Variants in BRWD3 observed in about 807,000 individuals in gnomAD.
The protein encoded by BRWD3 is bromodomain and WD repeat-containing protein 3.
A neutral mutation model predicts 149.7 loss-of-function variants in BRWD3; 10 were observed. The observed-to-expected ratio is 0.07, with a 90% CI of 0.04 to 0.11. The LOEUF (loss-of-function observed/expected upper bound fraction) is 0.11, where lower values mean the gene tolerates loss of function less well. Among genes scored for constraint, BRWD3 ranks in the 10% least tolerant of loss-of-function variants. The pLI, the probability that BRWD3 is intolerant of heterozygous loss-of-function variation, is 1.00. For synonymous variants in BRWD3, 504 were observed against 456.7 expected (o/e 1.10, Z -1.32); for missense variants, 940 against 1,373.2 (o/e 0.68, Z 4.99).
chrX:80,806,594 G>A (rs1181389550), intron 4 of BRWD3, among the ~76,000 whole-genome samples: 1 of 111,941 alleles, frequency 8.9e-6, no homozygotes, highest in Admixed American at 9.5e-5. Flanking sequence ...GGGGGCAGAA[G>A]GGATAGGGGA....
At chrX:80,741,044 C>A (rs1205989492) in intron 8 of BRWD3, among the ~76,000 whole-genome samples, 3 of 110,972 alleles carry the variant, frequency 2.7e-5, no homozygotes, top group Non-Finnish European at 5.7e-5. Flanking sequence ...ATATCTCCTA[C>A]TGCTATCCAT....
chrX:80,809,423 C>G lies in BRWD3; in HGVS notation c.31+18G>C. The G allele has an allele frequency of 8.6e-7, 1 of 1,161,397 alleles. No individual in the cohort carries two copies. The highest frequency in any genetic ancestry group is 1.2e-6 in the Non-Finnish European group (1 of 866,295). On this transcript the variant is annotated intron_variant, in intron 1 of 40. Transcript: ENST00000373275. ...CCATTCCCTTAGCACCCCCCCACCC[C>G]CCGACACAGCTACCCACCGGCTTCG...
chrX:80,681,780 A>G (rs1569244290), intron 39 of BRWD3, among the ~76,000 whole-genome samples: 1 of 111,696 alleles, frequency 9.0e-6, no homozygotes, highest in Non-Finnish European at 1.9e-5. Context: ...TTTTAAAACT[A>G]AGAGACTTTT....
intron 8 of BRWD3, among the ~76,000 whole-genome samples, chrX:80,736,430 A>G (rs1197601232): frequency 9.0e-6 from 1 of 111,722 alleles, no homozygotes; most frequent in Non-Finnish European, 1.9e-5. Flanking sequence ...ACCTTTACAA[A>G]TGTGCTATAT....
At chrX:80,803,814 T>G (rs1217913850) in intron 4 of BRWD3, among the ~76,000 whole-genome samples, 2 of 112,367 alleles carry the variant, frequency 1.8e-5, no homozygotes, top group African/African-American at 6.5e-5. Flanking sequence ...CACTCAAAGA[T>G]CATTCTGCTA....
At chrX:80,771,828 AAAAG>A (rs773344862) in intron 6 of BRWD3, among the ~76,000 whole-genome samples, 1 of 112,244 alleles carries the variant, frequency 8.9e-6, no homozygotes, top group East Asian at 2.8e-4. Context: ...GACACTTCTC[AAAAG>A]AAGACATTTA....
intron 36 of BRWD3, 37 bp downstream of exon 36, chrX:80,685,425 A>G (rs374242886): frequency 1.8e-6 from 2 of 1,121,469 alleles, no homozygotes; most frequent in African/African-American, 1.8e-5. Flanking sequence ...GAAAGTAAAA[A>G]CAATCAATAT....
Position 80,744,183 on chromosome X carries a change from T to C in BRWD3, c.662A>G (p.His221Arg). The change falls in exon 8 of 41, where the codon CAC (histidine) becomes CGC (arginine). Residue 221 changes from histidine to arginine, a missense_variant. By Grantham distance (29) the His-to-Arg change is conservative. Around this residue, in one of 6 missense-constraint regions of BRWD3, gnomAD observed 209 missense variants for 396.8 expected, o/e 0.53. Transcript: ENST00000373275. ...AGCCATGTCAGAAATTTCAGCAGAG[T>C]GTCCACGAAGTGTAGCAAGAAGGCG... Reference protein sequence around the residue: ...DGRLLATLRGHSAEISDMAVN... With the variant: ...DGRLLATLRGRSAEISDMAVN... 8.3e-7 allele frequency: 1 copy of C among 1,211,279 alleles called. No homozygotes were observed. The highest frequency in any genetic ancestry group is 1.1e-6 in the Non-Finnish European group (1 of 895,266).
intron 4 of BRWD3, among the ~76,000 whole-genome samples, chrX:80,795,272 T>C (rs1317185917): frequency 9.1e-6 from 1 of 110,192 alleles, no homozygotes; most frequent in Non-Finnish European, 1.9e-5. Flanking sequence ...AACGTCTACA[T>C]TCTCATCTTG....
rs1223673817 is a variant in BRWD3 at position 80,669,854 on chromosome X, C to T, written c.*6755G>A. On this transcript the variant is annotated 3_prime_UTR_variant, in exon 41 of 41. Transcript: ENST00000373275. ...TTTTATTTCTTCATATATTTACTTA[C>T]AAAACTTATAAAATTGAAGAGAACT... Among the ~76,000 whole-genome samples, 1 of 110,903 alleles carries T rather than the reference C, an allele frequency of 9.0e-6. No individual in the cohort carries two copies. Among genetic ancestry groups the T allele is most frequent in the African/African-American group, 3.3e-5 (1 of 30,576 alleles).
chrX:80,714,295 T>C (rs755197164), intron 20 of BRWD3, among the ~76,000 whole-genome samples: 6 of 100,436 alleles, frequency 6.0e-5, no homozygotes, highest in African/African-American at 2.2e-4. Flanking sequence ...TGGCGTGATA[T>C]GGGCTCACTG....
In BRWD3 at chrX:80,692,068, AT is replaced by A. The variant is rs750574689; in HGVS notation, c.3325+20del. ...TTTACTTTTAAAAGAATTATAATTCATTTTTTAAAAGCATATTTACTTCCTT... is the reference window on the plus strand; with the variant it reads ...TTTACTTTTAAAAGAATTATAATTCATTTTTAAAAGCATATTTACTTCCTT... On this transcript the variant is annotated intron_variant, in intron 29 of 40. Coordinates refer to ENST00000373275, the MANE Select transcript of BRWD3 (RefSeq NM_153252.5). 4.2e-6 allele frequency: 5 copies of A among 1,196,686 alleles called. No individual in the cohort carries two copies. The highest frequency in any genetic ancestry group is 4.5e-6 in the Non-Finnish European group (4 of 883,457).
chrX:80,722,494 T>C, intron 17 of BRWD3, 68 bp downstream of exon 17: 4 of 994,407 alleles, frequency 4.0e-6, no homozygotes, highest in Non-Finnish European at 4.3e-6. Context: ...GCATACATCA[T>C]AGAGAGAACA....
intron 6 of BRWD3, among the ~76,000 whole-genome samples, chrX:80,780,381 T>C (rs1267407574): frequency 2.7e-5 from 3 of 111,560 alleles, no homozygotes; most frequent in Admixed American, 9.6e-5. Flanking sequence ...CCTCATATAA[T>C]AAAATCTGTT....
chrX:80,737,132 G>A (rs1223224860), intron 8 of BRWD3, among the ~76,000 whole-genome samples: 3 of 111,373 alleles, frequency 2.7e-5, no homozygotes, highest in Non-Finnish European at 5.7e-5. Flanking sequence ...AACAACTGAT[G>A]TGCAGTAAAG....
At chrX:80,792,442 C>T (rs2074191534) in intron 5 of BRWD3, among the ~76,000 whole-genome samples, 1 of 112,023 alleles carries the variant, frequency 8.9e-6, no homozygotes, top group Non-Finnish European at 1.9e-5. Context: ...CAGATGGTAA[C>T]TGGTTATAAA....
rs1391365242 is a variant in BRWD3, at chrX:80,682,548, G to A, written c.4314C>T (p.Ile1438=). The A allele has an allele frequency of 6.6e-6, 8 of 1,206,855 alleles. No individual in the cohort carries two copies. The East Asian group carries it at 2.4e-4, about 36-fold the overall frequency. ...GTGGCCTTCTCCTCTTCTGACTCTG[G>A]ATTGCTGACTTATATTCAGAGATGA... ...KNIISEYKSA[I]QSQKRRRPRY... The change falls in exon 38 of 41, where the codon ATC becomes ATT. Residue 1438 remains isoleucine (I), a synonymous_variant. Coordinates refer to ENST00000373275, the MANE Select transcript of BRWD3 (RefSeq NM_153252.5).
chrX:80,799,377 A>G (rs1175256782), intron 4 of BRWD3, among the ~76,000 whole-genome samples: 4 of 112,294 alleles, frequency 3.6e-5, no homozygotes, highest in Non-Finnish European at 5.6e-5. Context: ...TGGCTTTTAA[A>G]AATAATAGTA....
In BRWD3 at chrX:80,673,795, T is replaced by C. The variant is rs1409286582; in HGVS notation, c.*2814A>G. ...TCTCACGGGCCTAAATATAACAGTGTTTTTTCTTAGCAATTTAAGATTTAG... is the reference window on the plus strand; with the variant it reads ...TCTCACGGGCCTAAATATAACAGTGCTTTTTCTTAGCAATTTAAGATTTAG... On this transcript the variant is annotated 3_prime_UTR_variant, in exon 41 of 41. Transcript: ENST00000373275. 2 of 111,667 alleles carry C rather than the reference T, an allele frequency of 1.8e-5. No homozygotes were observed. The highest frequency in any genetic ancestry group is 3.8e-5 in the Non-Finnish European group (2 of 53,006). The allele number at this position is 111,667 out of a possible 1,213,427, so 9.2% of individuals were successfully genotyped here.
Sources: allele counts gnomAD v4.1 joint callset (sites outside exome capture counted in the v4.1 genomes callset), GRCh38; gene constraint gnomAD v4.1.1; regional missense constraint gnomAD v4.1.1; transcripts MANE v1.5; gene names NCBI Gene and HGNC (gene_info 2026-07-23, HGNC 2026-07-21).